TMEM114: variants seen among roughly 807,000 people sequenced by gnomAD.
TMEM114 encodes the protein transmembrane protein 114, also known as claudin-26.
A neutral mutation model predicts 6.2 loss-of-function variants in TMEM114; 6 were observed. The ratio of observed to expected loss-of-function variants is 0.97; its 90% CI spans 0.53 to 1.91. TMEM114 has a LOEUF of 1.91. Among genes scored for constraint, TMEM114 ranks in the 40% most tolerant of loss-of-function variants. The pLI, the probability that TMEM114 is intolerant of heterozygous loss-of-function variation, is 0.01. For missense variants in TMEM114, 218 were observed against 158.3 expected, an observed-to-expected ratio of 1.38 and a Z score of -2.02; for synonymous variants, 104 against 73.0, an observed-to-expected ratio of 1.42 and a Z score of -2.16.
intron 2 of TMEM114, among the ~76,000 whole-genome samples, chr16:8,562,052 G>A (rs12932683): frequency 6.6e-6 from 1 of 150,868 alleles, no homozygotes; most frequent in East Asian, 2.0e-4. Context: ...GAGTGAGTGA[G>A]TGAATGAGTG....
At chr16:8,547,355 G>A (rs956124597) in intron 2 of TMEM114, among the ~76,000 whole-genome samples, 1 of 151,306 alleles carries the variant, frequency 6.6e-6, no homozygotes, top group Non-Finnish European at 1.5e-5. Context: ...CATTCCCATT[G>A]CCCCTGAAGA....
At chr16:8,582,040 G>A (rs1453295137) in intron 2 of TMEM114, among the ~76,000 whole-genome samples, 1 of 152,218 alleles carries the variant, frequency 6.6e-6, no homozygotes, top group African/African-American at 2.4e-5. Context: ...GGCATCGTGG[G>A]TGGGCTGGTT....
At chr16:8,572,408 C>G (rs1901765077) in intron 2 of TMEM114, 184 bp from the exon 3 acceptor site, 1 of 678,148 alleles carries the variant, frequency 1.5e-6, no homozygotes, top group African/African-American at 1.8e-5. Context: ...TGAGGCTCAT[C>G]TCGTGCAAGG....
chr16:8,567,929 G>T (rs1901599876), downstream of TMEM114, among the ~76,000 whole-genome samples: 1 of 152,138 alleles, frequency 6.6e-6, no homozygotes, highest in Non-Finnish European at 1.5e-5. Context: ...AGCCCCATGT[G>T]GCCATGTGAG....
intron 2 of TMEM114, among the ~76,000 whole-genome samples, chr16:8,545,478 T>A (rs1900637863): frequency 6.6e-6 from 1 of 152,146 alleles, no homozygotes; most frequent in Admixed American, 6.6e-5. Flanking sequence ...ATCATCACCA[T>A]CATCATCACC....
chr16:8,551,432 T>A (rs7201243), intron 2 of TMEM114, among the ~76,000 whole-genome samples: 4,147 of 152,246 alleles, frequency 0.027, 190 homozygotes, highest in African/African-American at 0.095. Flanking sequence ...TAGTTAAAAA[T>A]AATATTTAAC....
At chr16:8,558,398 C>G (rs1458715935) in intron 2 of TMEM114, among the ~76,000 whole-genome samples, 1 of 152,190 alleles carries the variant, frequency 6.6e-6, no homozygotes, top group Non-Finnish European at 1.5e-5. Flanking sequence ...CTCTCCAACC[C>G]CTGCCTCTGT....
downstream of TMEM114, chr16:8,569,463 G>C (rs925949687): frequency 1.0e-5 from 12 of 1,202,916 alleles, no homozygotes; most frequent in African/African-American, 7.7e-5. Context: ...TGAAGTCGGA[G>C]GGGGCGTGAG....
intron 2 of TMEM114, among the ~76,000 whole-genome samples, chr16:8,562,397 T>C (rs1901272964): frequency 6.6e-6 from 1 of 150,914 alleles, no homozygotes. Context: ...AATGAGTGAG[T>C]GAGTGAATGA....
intron 2 of TMEM114, among the ~76,000 whole-genome samples, chr16:8,579,620 G>C (rs762323706): frequency 4.6e-5 from 7 of 152,094 alleles, no homozygotes; most frequent in Non-Finnish European, 7.4e-5. Context: ...CCACATCATC[G>C]CTCAAAAGCC....
chr16:8,576,719 G>T (rs1380228844), intron 2 of TMEM114, among the ~76,000 whole-genome samples: 9 of 108,204 alleles, frequency 8.3e-5, no homozygotes, highest in African/African-American at 2.9e-4. Flanking sequence ...AGGAAGGAAG[G>T]AAGGAAGGAA....
chr16:8,569,559 C>T lies in TMEM114; in HGVS notation c.*214G>A, dbSNP rs1015690516. The T allele has an allele frequency of 1.4e-6, 2 of 1,418,008 alleles. No individual in the cohort carries two copies. Among genetic ancestry groups the T allele is most frequent in the South Asian group, 3.1e-5 (2 of 63,636 alleles). The allele number at this position is 1,418,008 out of a possible 1,614,324, so 87.8% of individuals were successfully genotyped here. ...CGGTTTGGCACTCCCTCGGGCTCCT[C>T]CAGGCCACACGGACACACACGGACA... On this transcript the variant is annotated 3_prime_UTR_variant, in exon 4 of 4. Transcript: ENST00000620492.
intron 2 of TMEM114, among the ~76,000 whole-genome samples, chr16:8,552,125 A>T (rs556575588): frequency 1.3e-5 from 2 of 152,226 alleles, no homozygotes; most frequent in Admixed American, 1.3e-4. Flanking sequence ...CTGTAATCCC[A>T]GCACTTTGGG....
chr16:8,537,654 T>A (rs1225301359), exon 3 of TMEM114: 1 of 152,252 alleles, frequency 6.6e-6, no homozygotes, highest in Non-Finnish European at 1.5e-5. Flanking sequence ...TTCATAACCA[T>A]GATAATATCA....
intron 2 of TMEM114, among the ~76,000 whole-genome samples, chr16:8,548,694 G>GTGTA (rs1555461967): frequency 5.0e-5 from 7 of 139,968 alleles, no homozygotes; most frequent in African/African-American, 8.5e-5. Flanking sequence ...AAATTGCCAT[G>GTGTA]TATATATATA....
chr16:8,539,762 GAAAA>G (rs1008172769), intron 2 of TMEM114, among the ~76,000 whole-genome samples: 2 of 144,648 alleles, frequency 1.4e-5, no homozygotes, highest in African/African-American at 5.1e-5. Flanking sequence ...AACTAAAAAA[GAAAA>G]AAAAAATGGA....
At chr16:8,565,333 T>C (rs1901504607), downstream of TMEM114, among the ~76,000 whole-genome samples, 2 of 152,144 alleles carry the variant, frequency 1.3e-5, no homozygotes. Context: ...AGTAAATGAA[T>C]GGATGGGTGG....
chr16:8,563,552 A>T (rs1315002987), intron 2 of TMEM114, among the ~76,000 whole-genome samples: 4 of 151,112 alleles, frequency 2.6e-5, no homozygotes, highest in Non-Finnish European at 5.9e-5. Flanking sequence ...TGAGTAAGTG[A>T]ATGAGTGACT....
chr16:8,558,661 C>A (rs1901095095), intron 2 of TMEM114, among the ~76,000 whole-genome samples: 1 of 152,176 alleles, frequency 6.6e-6, no homozygotes, highest in Admixed American at 6.5e-5. Context: ...AACTACAACA[C>A]CCACCCTGAG....
Sources: gnomAD v4.1 joint callset for allele counts (sites outside exome capture counted in the v4.1 genomes callset) on GRCh38, gnomAD v4.1.1 for gene constraint, MANE v1.5 for transcripts, NCBI Gene and HGNC (gene_info 2026-07-23, HGNC 2026-07-21) for gene names.